Variants in TRPM3 observed in about 807,000 individuals in gnomAD.
The protein encoded by TRPM3 is long transient receptor potential channel 3.
In TRPM3, 77 loss-of-function variants were observed where a neutral mutation model predicts 181.2. The observed-to-expected ratio is 0.42, with a 90% CI of 0.35 to 0.51. The LOEUF (loss-of-function observed/expected upper bound fraction) is 0.51. TRPM3 is among the 20% of genes least tolerant of loss of function. The probability of loss-of-function intolerance (pLI) is 0.01; values close to 1 mark genes in which losing one functional copy is unlikely to be tolerated. For missense variants in TRPM3, 1,759 were observed against 2,196.7 expected (o/e 0.80, Z 3.98); for synonymous variants, 745 against 796.4 (o/e 0.94, Z 1.09).
intron 1 of TRPM3, among the ~76,000 whole-genome samples, chr9:71,291,121 T>C (rs983877641): frequency 6.6e-6 from 1 of 152,160 alleles, no homozygotes; most frequent in African/African-American, 2.4e-5. Flanking sequence ...GGAATTGAGC[T>C]CCTGTACCAG....
intron 1 of TRPM3, among the ~76,000 whole-genome samples, chr9:71,380,951 C>T (rs1037058661): frequency 2.6e-5 from 4 of 150,986 alleles, no homozygotes; most frequent in South Asian, 2.1e-4. Context: ...AAAATGAAGA[C>T]GACGACAAAA....
chr9:71,125,855 G>A (rs942559221), upstream of TRPM3, among the ~76,000 whole-genome samples: 1 of 152,102 alleles, frequency 6.6e-6, no homozygotes, highest in Non-Finnish European at 1.5e-5. Context: ...TGCAACAAAA[G>A]CAAAAATTGA....
chr9:71,106,896 C>T (rs1165713246), intron 1 of TRPM3, among the ~76,000 whole-genome samples: 1 of 152,110 alleles, frequency 6.6e-6, no homozygotes, highest in African/African-American at 2.4e-5. Flanking sequence ...AAGTGAAGAT[C>T]CCTCCTACAG....
chr9:71,214,947 A>C (rs1448132338), intron 1 of TRPM3, among the ~76,000 whole-genome samples: 1 of 150,928 alleles, frequency 6.6e-6, no homozygotes, highest in Non-Finnish European at 1.5e-5. Flanking sequence ...TTGCACCTGA[A>C]GCCTCTTCAC....
intron 1 of TRPM3, chr9:71,446,645 C>T (rs1306730768): frequency 6.5e-7 from 1 of 1,549,262 alleles, no homozygotes; most frequent in Admixed American, 2.0e-5. Context: ...TCTCCCCCGG[C>T]CACTCACCGG....
chr9:71,422,264 A>G (rs1588963466), intron 1 of TRPM3, among the ~76,000 whole-genome samples: 1 of 152,074 alleles, frequency 6.6e-6, no homozygotes, highest in South Asian at 2.1e-4. Flanking sequence ...CATCATACTG[A>G]AAGAAGAATA....
chr9:71,396,687 C>A (rs1289423595), intron 1 of TRPM3, among the ~76,000 whole-genome samples: 1 of 151,372 alleles, frequency 6.6e-6, no homozygotes, highest in Admixed American at 6.6e-5. Flanking sequence ...AAATGCCGGG[C>A]GTGGTGGCTC....
At chr9:70,758,722 CA>C (rs1409423826) in intron 8 of TRPM3, among the ~76,000 whole-genome samples, 2 of 152,098 alleles carry the variant, frequency 1.3e-5, no homozygotes, top group East Asian at 3.9e-4. Context: ...CAAAAACAAG[CA>C]ATGGGGAAAG....
intron 11 of TRPM3, among the ~76,000 whole-genome samples, chr9:70,637,391 C>G (rs11142523): frequency 0.16 from 23,799 of 152,046 alleles, 2,376 homozygotes; most frequent in East Asian, 0.4. Context: ...TTCCGGGAAG[C>G]CACCACCAGC....
chr9:71,157,696 A>G (rs1587697035), intron 1 of TRPM3, among the ~76,000 whole-genome samples: 1 of 124,714 alleles, frequency 8.0e-6, no homozygotes, highest in Non-Finnish European at 1.7e-5. Context: ...GTTTTTAAGC[A>G]TTACAGGGAA....
intron 1 of TRPM3, among the ~76,000 whole-genome samples, chr9:70,940,595 A>C (rs1478941126): frequency 6.6e-6 from 1 of 152,226 alleles, no homozygotes; most frequent in Non-Finnish European, 1.5e-5. Context: ...AAAAAGAAAT[A>C]TATAAGAGCA....
intron 1 of TRPM3, among the ~76,000 whole-genome samples, chr9:71,136,332 T>C (rs1250923860): frequency 6.6e-6 from 1 of 152,228 alleles, no homozygotes; most frequent in African/African-American, 2.4e-5. Flanking sequence ...GGAAGATTGC[T>C]AGGCTCAGCC....
intron 1 of TRPM3, among the ~76,000 whole-genome samples, chr9:71,421,192 T>C (rs568773748): frequency 2.0e-5 from 3 of 151,452 alleles, no homozygotes; most frequent in South Asian, 2.1e-4. Flanking sequence ...ATAGGAAAAA[T>C]AGGCACTGGG....
intron 1 of TRPM3, among the ~76,000 whole-genome samples, chr9:70,876,937 G>A (rs2095877518): frequency 6.6e-6 from 1 of 151,684 alleles, no homozygotes; most frequent in Non-Finnish European, 1.5e-5. Context: ...ATTTCCCTTT[G>A]GTGTAGTACC....
chr9:71,064,083 G>T (rs1297985204), intron 1 of TRPM3, among the ~76,000 whole-genome samples: 1 of 152,118 alleles, frequency 6.6e-6, no homozygotes, highest in Admixed American at 6.6e-5. Context: ...TCTAAAATAT[G>T]ATTTTAATAC....
chr9:70,573,670 A>C (rs558667584), intron 22 of TRPM3, among the ~76,000 whole-genome samples: 1 of 152,310 alleles, frequency 6.6e-6, no homozygotes, highest in East Asian at 1.9e-4. Context: ...AGTTTCCCAA[A>C]AAAAAGGTAA....
In TRPM3 at chr9:71,228,739, C is replaced by A. The variant is rs567205829; in HGVS notation, c.183+217914G>T. ...CAATAGCTACAAATAAAATTAAATA[C>A]CTAGGAATTAACTGAACCAAAGAAG... is the stretch of plus-strand genomic sequence containing the variant. On this transcript the variant is annotated intron_variant, in intron 1 of 24. Coordinates refer to the TRPM3 transcript ENST00000357533. Among the ~76,000 whole-genome samples, 5 of 152,054 alleles carry A rather than the reference C, an allele frequency of 3.3e-5. No homozygotes were observed. The South Asian group carries it at 8.3e-4, about 25-fold the overall frequency.
intron 25 of TRPM3, among the ~76,000 whole-genome samples, chr9:70,548,018 C>T (rs2045483397): frequency 6.6e-6 from 1 of 152,212 alleles, no homozygotes; most frequent in Non-Finnish European, 1.5e-5. Context: ...CATCTTAACA[C>T]TCTTTTTTCC....
chr9:71,168,521 T>C lies in TRPM3; in HGVS notation c.183+278132A>G, dbSNP rs538437044. ...GCCCTGACATTTTTCTTTTTTTTTT[T>C]TTTTTTAAGGTGTGATTTATTTATT... On this transcript the variant is annotated intron_variant, in intron 1 of 24. Transcript: ENST00000357533. 2.7e-5 allele frequency among the ~76,000 whole-genome samples: 4 copies of C among 147,950 alleles called. 1 individual carries two copies. In the East Asian group the frequency reaches 7.8e-4, roughly 29 times the overall value.
Sources: gnomAD v4.1 joint callset for allele counts (sites outside exome capture counted in the v4.1 genomes callset) on GRCh38, gnomAD v4.1.1 for gene constraint, MANE v1.5 for transcripts, NCBI Gene and HGNC (gene_info 2026-07-23, HGNC 2026-07-21) for gene names.